PACS2: variants seen among roughly 807,000 people sequenced by gnomAD.
The protein encoded by PACS2 is phosphofurin acidic cluster sorting protein 2, also known as PACS1-like protein.
A neutral mutation model predicts 113.0 loss-of-function variants in PACS2; 36 were observed. That is an observed-to-expected ratio of 0.32 (90% CI 0.24 to 0.42). The LOEUF (loss-of-function observed/expected upper bound fraction) is 0.42, where lower values mean the gene tolerates loss of function less well. PACS2 is among the 10% of genes least tolerant of loss of function. PACS2 has a pLI of 1.00. For synonymous variants in PACS2, 589 were observed against 536.1 expected (o/e 1.10, Z -1.36); for missense variants, 1,015 against 1,239.5 (o/e 0.82, Z 2.72).
chr14:105,344,343 T>C (rs1423332095), intron 1 of PACS2, among the ~76,000 whole-genome samples: 2 of 152,004 alleles, frequency 1.3e-5, no homozygotes, highest in African/African-American at 4.8e-5. Context: ...CAGGCTGGCG[T>C]GCAGTGATAC....
At chr14:105,362,374 G>A (rs587726637) in intron 4 of PACS2, among the ~76,000 whole-genome samples, 23 of 143,246 alleles carry the variant, frequency 1.6e-4, no homozygotes, top group East Asian at 4.1e-4. Flanking sequence ...CCGAGATCGC[G>A]CCACTGCACT....
In PACS2 at chr14:105,397,477, C is replaced by T. The variant is rs977780684; in HGVS notation, c.*2805C>T. 1 of 152,346 alleles carries T rather than the reference C, an allele frequency of 6.6e-6. No homozygotes were observed. The highest frequency in any genetic ancestry group is 2.4e-5 in the African/African-American group (1 of 41,468). 9.4% of individuals were successfully genotyped at this position (152,346 alleles called of 1,614,324 possible). ...TCAAAGGTTAAGCCACCAGTCACCA[C>T]CGAGGCACCCCTCAGGCCTGGTGGC... On this transcript the variant is annotated 3_prime_UTR_variant, in exon 25 of 25. Coordinates refer to ENST00000447393, the MANE Select transcript of PACS2 (RefSeq NM_001100913.3).
rs1249236680 is a variant in PACS2 at position 105,329,804 on chromosome 14, C to T, written c.119+14767C>T. ...GGTACTGCTTCTCATGGACAGGAGA[C>T]CACCAGGCTCCTTCCAGGAGGGTGA... is the stretch of plus-strand genomic sequence containing the variant. On this transcript the variant is annotated intron_variant, in intron 1 of 24. Coordinates refer to ENST00000447393, the MANE Select transcript of PACS2 (RefSeq NM_001100913.3). The surrounding 1 kb of genome is among the most constrained non-coding windows in gnomAD (Gnocchi z 6.4). Among the ~76,000 whole-genome samples the T allele has an allele frequency of 6.6e-6, 1 of 152,182 alleles. No individual in the cohort carries two copies. Among genetic ancestry groups the T allele is most frequent in the Non-Finnish European group, 1.5e-5 (1 of 68,040 alleles).
chr14:105,322,467 T>C (rs1418393601), intron 1 of PACS2, among the ~76,000 whole-genome samples: 3 of 152,068 alleles, frequency 2.0e-5, no homozygotes, highest in East Asian at 1.9e-4. Context: ...GGTTTCACCA[T>C]GTTGGCCAGA....
At chr14:105,389,787 C>T (rs2081295596) in intron 19 of PACS2, 174 bp from the exon 20 acceptor site, 13 of 662,808 alleles carry the variant, frequency 2.0e-5, no homozygotes, top group Non-Finnish European at 3.3e-5. Context: ...CCAGGGCTGG[C>T]AGTGGTTGGA....
intron 4 of PACS2, among the ~76,000 whole-genome samples, chr14:105,359,813 G>A (rs2060608617): frequency 2.6e-5 from 4 of 152,028 alleles, no homozygotes; most frequent in Admixed American, 2.6e-4. Context: ...AGATGGTCTC[G>A]ATCTCCTGAC....
chr14:105,303,142 T>C (rs1455344271), intron 1 of PACS2, among the ~76,000 whole-genome samples: 1 of 152,238 alleles, frequency 6.6e-6, no homozygotes, highest in Admixed American at 6.5e-5. Flanking sequence ...TTGGCTAGGC[T>C]GGTCCCAAAC....
chr14:105,327,332 G>T (rs974433098), intron 1 of PACS2, among the ~76,000 whole-genome samples: 1 of 152,216 alleles, frequency 6.6e-6, no homozygotes, highest in Non-Finnish European at 1.5e-5. Context: ...AGTGCCTGCC[G>T]CTACTGCCTG....
At position 105,347,093 on chromosome 14, in the gene PACS2, C is replaced by T. The variant is rs587607321; in HGVS notation, c.120-1400C>T. 1.6e-4 allele frequency among the ~76,000 whole-genome samples: 23 copies of T among 146,838 alleles called. No individual in the cohort carries two copies. The East Asian group carries it at 4.1e-3, about 26-fold the overall frequency. On this transcript the variant is annotated intron_variant, in intron 1 of 24. Coordinates refer to ENST00000447393, the MANE Select transcript of PACS2 (RefSeq NM_001100913.3). ...CCTGCTGCCCTGCTGTCAAGTCAGG[C>T]GCGTCCCACCCAGAGTGCTCTGGTG... is the stretch of plus-strand genomic sequence containing the variant.
Position 105,381,905 on chromosome 14 carries a change from C to T in PACS2, c.1269-9C>T. ...CCACAGCCACTTAGCCTGTCCTGGT[C>T]CCCAATAGGTCCGAGGGGAAGCAGG... On this transcript the variant is annotated splice_polypyrimidine_tract_variant and intron_variant, in intron 12 of 24. Transcript: ENST00000447393. The T allele has an allele frequency of 6.5e-7, 1 of 1,550,252 alleles. No individual in the cohort carries two copies. Among genetic ancestry groups the T allele is most frequent in the Non-Finnish European group, 8.7e-7 (1 of 1,146,694 alleles).
intron 20 of PACS2, chr14:105,391,003 A>G (rs1305063265): frequency 9.9e-6 from 6 of 605,322 alleles, no homozygotes; most frequent in Non-Finnish European, 1.5e-5. Flanking sequence ...ACGCACCCTG[A>G]GCACTGTCTG....
At chr14:105,367,495 G>A (rs986963642) in intron 5 of PACS2, 120 bp downstream of exon 5, 26 of 955,466 alleles carry the variant, frequency 2.7e-5, no homozygotes, top group Middle Eastern at 2.7e-4. Context: ...TCCGGAGCAC[G>A]TGTCAGTTGC....
intron 4 of PACS2, among the ~76,000 whole-genome samples, chr14:105,359,228 G>A (rs587611961): frequency 3.3e-5 from 5 of 151,728 alleles, no homozygotes; most frequent in African/African-American, 7.3e-5. Context: ...CTCCAGCCCC[G>A]CAGGCTCTGC....
chr14:105,394,121 CTT>C (rs2081465232), intron 24 of PACS2: 1 of 838,130 alleles, frequency 1.2e-6, no homozygotes, highest in African/African-American at 1.8e-5. Context: ...AGGCTTTCCT[CTT>C]TTTGAGCACG....
At chr14:105,382,417 C>A in intron 13 of PACS2, 60 bp from the exon 14 acceptor site, 1 of 989,320 alleles carries the variant, frequency 1.0e-6, no homozygotes, top group Non-Finnish European at 1.6e-6. Context: ...CCAGGGCTGG[C>A]GTGGTGGGGA....
chr14:105,310,533 CAAAAAA>C (rs764203821), upstream of PACS2, among the ~76,000 whole-genome samples: 4 of 79,726 alleles, frequency 5.0e-5, no homozygotes, highest in Admixed American at 1.5e-4. Flanking sequence ...GACTCTGTCT[CAAAAAA>C]AAAAAAAAAA....
intron 9 of PACS2, 121 bp from the exon 10 acceptor site, chr14:105,379,618 A>T (rs1210007868): frequency 1.3e-6 from 1 of 778,126 alleles, no homozygotes; most frequent in African/African-American, 1.7e-5. Context: ...CTCTGGACCC[A>T]GCTCTGCTCT....
chr14:105,326,887 C>G (rs2059130542), intron 1 of PACS2, among the ~76,000 whole-genome samples: 1 of 152,228 alleles, frequency 6.6e-6, no homozygotes, highest in Non-Finnish European at 1.5e-5. Context: ...CCCTTGCAGT[C>G]AGTCCTGCTG....
Position 105,356,614 on chromosome 14 carries a change from G to C in PACS2, c.423+1437G>C, listed in dbSNP as rs2060457875. On this transcript the variant is annotated intron_variant, in intron 4 of 24. Coordinates refer to ENST00000447393, the MANE Select transcript of PACS2 (RefSeq NM_001100913.3). The surrounding 1 kb of genome is among the most constrained non-coding windows in gnomAD (Gnocchi z 4.0). Reference sequence around the variant, plus strand: ...CGCTTGCTTCCTGTGGAGCAGGAGGGTCCAGGCACTGTGGGGAGGTCATGC... The same window carrying C: ...CGCTTGCTTCCTGTGGAGCAGGAGGCTCCAGGCACTGTGGGGAGGTCATGC... Among the ~76,000 whole-genome samples, 1 of 152,188 alleles carries C rather than the reference G, an allele frequency of 6.6e-6. No homozygotes were observed. The highest frequency in any genetic ancestry group is 1.5e-5 in the Non-Finnish European group (1 of 68,028).
Sources: gnomAD v4.1 joint callset for allele counts (sites outside exome capture counted in the v4.1 genomes callset) on GRCh38, gnomAD v4.1.1 for gene constraint, Gnocchi (gnomAD v3.1) non-coding constraint, MANE v1.5 for transcripts, NCBI Gene and HGNC (gene_info 2026-07-23, HGNC 2026-07-21) for gene names.